SHANK2: variants seen among roughly 807,000 people sequenced by gnomAD.
SHANK2 encodes SH3 and multiple ankyrin repeat domains protein 2.
SHANK2 carries 43 observed loss-of-function variants against 133.7 expected under a neutral mutation model. The observed-to-expected ratio is 0.32, with a 90% CI of 0.25 to 0.41. The LOEUF (loss-of-function observed/expected upper bound fraction) is 0.41. Ranked by LOEUF, SHANK2 falls within the 10% of genes least tolerant of loss-of-function variation. SHANK2 has a pLI of 1.00. For missense variants in SHANK2, 1,994 were observed against 2,235.8 expected (o/e 0.89, Z 2.18); for synonymous variants, 1,017 against 952.8 (o/e 1.07, Z -1.24).
intron 12 of SHANK2, among the ~76,000 whole-genome samples, chr11:70,808,859 C>T (rs1175261199): frequency 6.6e-6 from 1 of 152,174 alleles, no homozygotes; most frequent in Non-Finnish European, 1.5e-5. Flanking sequence ...GAGGAAGCAC[C>T]CAGGGCCTTC....
chr11:70,564,496 C>T (rs567263326), intron 17 of SHANK2, among the ~76,000 whole-genome samples: 2 of 152,004 alleles, frequency 1.3e-5, no homozygotes, highest in South Asian at 2.1e-4. Context: ...CTGACCTCAA[C>T]TGATCTGCCC....
At chr11:71,163,093 A>AAAAAATATATATATATAT in intron 2 of SHANK2, among the ~76,000 whole-genome samples, 1 of 84,678 alleles carries the variant, frequency 1.2e-5, no homozygotes, top group Admixed American at 1.0e-4. Context: ...AAAAAAAAAA[A>AAAAAATATATATATATAT]ATACATATAT....
At chr11:70,509,918 C>G (rs1410643446) in intron 17 of SHANK2, among the ~76,000 whole-genome samples, 3 of 152,212 alleles carry the variant, frequency 2.0e-5, no homozygotes, top group African/African-American at 7.2e-5. Context: ...TTTAAGCCAC[C>G]TGATCTGTGT....
intron 14 of SHANK2, among the ~76,000 whole-genome samples, chr11:70,785,640 G>A (rs1947634675): frequency 6.6e-6 from 1 of 152,196 alleles, no homozygotes; most frequent in African/African-American, 2.4e-5. Flanking sequence ...GGTGAAGGGA[G>A]GTCTCTAGAG....
intron 2 of SHANK2, among the ~76,000 whole-genome samples, chr11:71,148,811 T>A (rs1952705195): frequency 1.3e-5 from 2 of 152,100 alleles, no homozygotes; most frequent in Non-Finnish European, 2.9e-5. Flanking sequence ...CACGGAAGGA[T>A]TCAAACCACA....
chr11:70,555,493 G>A (rs1230908852), intron 17 of SHANK2, among the ~76,000 whole-genome samples: 1 of 152,218 alleles, frequency 6.6e-6, no homozygotes, highest in Admixed American at 6.5e-5. Flanking sequence ...CGCCTGTAAT[G>A]TCAGCACTTT....
At chr11:70,754,913 G>A (rs931121039) in intron 14 of SHANK2, among the ~76,000 whole-genome samples, 35 of 152,102 alleles carry the variant, frequency 2.3e-4, no homozygotes, top group African/African-American at 7.2e-4. Context: ...GAGAGACATC[G>A]ATTACAGGGA....
chr11:70,778,296 G>A (rs1409568292), intron 14 of SHANK2, among the ~76,000 whole-genome samples: 2 of 152,200 alleles, frequency 1.3e-5, no homozygotes, highest in African/African-American at 2.4e-5. Context: ...CTCTGCCTTC[G>A]GCTCACACAA....
chr11:70,883,346 G>C (rs1447239665), intron 11 of SHANK2, among the ~76,000 whole-genome samples: 1 of 152,128 alleles, frequency 6.6e-6, no homozygotes, highest in Admixed American at 6.5e-5. Context: ...CCCTAATGCT[G>C]GCCTCAGCCT....
At chr11:70,531,489 C>T (rs2059470192) in intron 17 of SHANK2, among the ~76,000 whole-genome samples, 1 of 152,158 alleles carries the variant, frequency 6.6e-6, no homozygotes. Flanking sequence ...GACGACTGTT[C>T]CCAGGTCACG....
rs1470090074 is a variant in SHANK2 at position 71,188,147 on chromosome 11, C to T, written c.-13+36550G>A. Among the ~76,000 whole-genome samples the T allele has an allele frequency of 1.3e-5, 2 of 152,160 alleles. No individual in the cohort carries two copies. Among genetic ancestry groups the T allele is most frequent in the East Asian group, 1.9e-4 (1 of 5,188 alleles). On this transcript the variant is annotated intron_variant, in intron 2 of 25. Transcript: ENST00000601538. This position sits in a 1 kb window ranked among gnomAD's most constrained non-coding sequence, Gnocchi z 4.6. ...CATCACCGGAGACGTTTCCCTCTGC[C>T]TCTGCCCCGTTTTCCCAGCCACTCC...
At chr11:70,880,520 G>A (rs1555072211) in intron 11 of SHANK2, among the ~76,000 whole-genome samples, 1 of 152,222 alleles carries the variant, frequency 6.6e-6, no homozygotes, top group African/African-American at 2.4e-5. Flanking sequence ...TTCAGAATTA[G>A]GAGCTTCTGA....
chr11:70,730,830 T>C (rs1310015618), intron 14 of SHANK2, among the ~76,000 whole-genome samples: 1 of 124,234 alleles, frequency 8.0e-6, no homozygotes, highest in Non-Finnish European at 1.8e-5. Flanking sequence ...TTATTTCTTT[T>C]TTTTTTTTTT....
intron 17 of SHANK2, among the ~76,000 whole-genome samples, chr11:70,643,699 T>C (rs1482539462): frequency 2.6e-5 from 4 of 152,212 alleles, no homozygotes; most frequent in African/African-American, 4.8e-5. Flanking sequence ...CTTTCTTTTA[T>C]ACGTTGGCAT....
At chr11:70,881,872 C>A (rs192203933) in intron 11 of SHANK2, among the ~76,000 whole-genome samples, 8 of 151,946 alleles carry the variant, frequency 5.3e-5, no homozygotes, top group Admixed American at 5.2e-4. Flanking sequence ...CTGCACCCAG[C>A]AAATTATTTA....
chr11:70,690,937 T>C (rs782507453), intron 15 of SHANK2, among the ~76,000 whole-genome samples: 1 of 152,132 alleles, frequency 6.6e-6, no homozygotes, highest in Non-Finnish European at 1.5e-5. Context: ...GTTGGGAAGA[T>C]ACCCACCAGA....
Position 70,486,579 on chromosome 11 carries a change from G to A in SHANK2, c.3714C>T (p.Ala1238=), listed in dbSNP as rs781794497. 10 of 1,614,026 alleles carry A rather than the reference G, an allele frequency of 6.2e-6. No homozygotes were observed. The South Asian group carries it at 8.8e-5, about 14-fold the overall frequency. ...GAGGTTTGTTGAGGTCGGCCTTGGG[G>A]GCCTCCCCTTTGGGTCCCTGTTGAG... ...KESQQGPKGE[A]PKADLNKPLY... is the part of the protein sequence containing the mutation. The change falls in exon 25 of 26, where the codon GCC becomes GCT. Residue 1238 remains alanine (A), a synonymous_variant. Transcript: ENST00000601538. The surrounding 1 kb of genome is among the most constrained non-coding windows in gnomAD (Gnocchi z 8.0).
chr11:70,913,464 C>T (rs1339634431), intron 10 of SHANK2, among the ~76,000 whole-genome samples: 1 of 151,960 alleles, frequency 6.6e-6, no homozygotes, highest in East Asian at 1.9e-4. Context: ...TTCTAAAGAT[C>T]ATTATTAAGT....
chr11:70,577,680 G>A (rs1554984579), intron 17 of SHANK2, among the ~76,000 whole-genome samples: 1 of 151,942 alleles, frequency 6.6e-6, no homozygotes, highest in Non-Finnish European at 1.5e-5. Context: ...GAGCATTCAG[G>A]CACTGGACTC....
Sources: gnomAD v4.1 joint callset for allele counts (sites outside exome capture counted in the v4.1 genomes callset) on GRCh38, gnomAD v4.1.1 for gene constraint, Gnocchi (gnomAD v3.1) non-coding constraint, MANE v1.5 for transcripts, NCBI Gene and HGNC (gene_info 2026-07-23, HGNC 2026-07-21) for gene names.